Variants in OPCML observed in about 807,000 individuals in gnomAD.
OPCML encodes opioid binding protein/cell adhesion molecule like, also known as opioid-binding protein/cell adhesion molecule.
In OPCML, 13 loss-of-function variants were observed where a neutral mutation model predicts 37.8. That is an observed-to-expected ratio of 0.34 (90% confidence interval 0.22 to 0.55). The LOEUF (loss-of-function observed/expected upper bound fraction) is 0.55, where lower values mean the gene tolerates loss of function less well. Ranked by LOEUF, OPCML falls within the 20% of genes least tolerant of loss-of-function variation. The pLI, the probability that OPCML is intolerant of heterozygous loss-of-function variation, is 0.91. For synonymous variants in OPCML, 176 were observed against 168.8 expected (o/e 1.04, Z -0.33); for missense variants, 341 against 435.6 (o/e 0.78, Z 1.93).
At chr11:133,101,215 G>A (rs11223363) in intron 1 of OPCML, among the ~76,000 whole-genome samples, 4 of 152,240 alleles carry the variant, frequency 2.6e-5, no homozygotes, top group African/African-American at 7.2e-5. Flanking sequence ...GAGCCACCAC[G>A]CCCAGCCCAC....
chr11:132,819,055 T>G (rs1017837537), intron 2 of OPCML, among the ~76,000 whole-genome samples: 11 of 151,904 alleles, frequency 7.2e-5, no homozygotes, highest in African/African-American at 2.7e-4. Flanking sequence ...CTTCTATTAT[T>G]TTGTGTGCTA....
In OPCML at chr11:132,497,224, A is replaced by G. The variant is rs994360446; in HGVS notation, c.505+31837T>C. Among the ~76,000 whole-genome samples the G allele has an allele frequency of 2.6e-5, 4 of 152,152 alleles. No individual in the cohort carries two copies. The East Asian group carries it at 5.8e-4, about 22-fold the overall frequency. Reference sequence around the variant, plus strand: ...ATAGACACATGGCAAGGAACACTACACACTGGGGCCTGTCGGAGTGGGGAG... The same window carrying G: ...ATAGACACATGGCAAGGAACACTACGCACTGGGGCCTGTCGGAGTGGGGAG... On this transcript the variant is annotated intron_variant, in intron 4 of 7. Coordinates refer to ENST00000524381, the MANE Select transcript of OPCML (RefSeq NM_001012393.5).
At chr11:132,566,947 G>A (rs1293430423) in intron 3 of OPCML, among the ~76,000 whole-genome samples, 2 of 69,372 alleles carry the variant, frequency 2.9e-5, no homozygotes, top group African/African-American at 1.5e-4. Flanking sequence ...CGGTGCATAC[G>A]GCAACAACAT....
chr11:132,675,155 ATGTG>A (rs35219821), intron 2 of OPCML, among the ~76,000 whole-genome samples: 6 of 144,074 alleles, frequency 4.2e-5, no homozygotes, highest in Admixed American at 7.0e-5. Flanking sequence ...ATATATATGT[ATGTG>A]TGTGTGTGTG....
intron 1 of OPCML, among the ~76,000 whole-genome samples, chr11:133,480,538 G>T (rs1371823404): frequency 1.3e-5 from 2 of 152,180 alleles, no homozygotes; most frequent in African/African-American, 4.8e-5. Context: ...CCCTCTTTGA[G>T]ACTTGAACTA....
At chr11:133,213,433 A>T (rs1203637511) in intron 1 of OPCML, among the ~76,000 whole-genome samples, 2 of 152,202 alleles carry the variant, frequency 1.3e-5, no homozygotes, top group Admixed American at 1.3e-4. Flanking sequence ...AAAGTTAAAA[A>T]TTTGGTCTTT....
chr11:133,258,345 C>T (rs1941382721), intron 1 of OPCML, among the ~76,000 whole-genome samples: 1 of 152,148 alleles, frequency 6.6e-6, no homozygotes, highest in South Asian at 2.1e-4. Flanking sequence ...GAAAGACTGG[C>T]TCTACAAGCT....
chr11:133,243,681 A>AT (rs1377187369), intron 1 of OPCML, among the ~76,000 whole-genome samples: 1 of 152,158 alleles, frequency 6.6e-6, no homozygotes. Context: ...GGGCACTGGA[A>AT]TTTTTTGCAG....
chr11:133,008,310 G>T, intron 1 of OPCML: 1 of 985,286 alleles, frequency 1.0e-6, no homozygotes, highest in Non-Finnish European at 1.2e-6. Flanking sequence ...ACTACTGCCT[G>T]GTAAACAACT....
rs528387828 is a variant in OPCML at position 133,388,305 on chromosome 11, C to G, written c.61+143959G>C. Among the ~76,000 whole-genome samples the G allele has an allele frequency of 5.9e-5, 9 of 152,204 alleles. No homozygotes were observed. The East Asian group carries it at 1.7e-3, about 29-fold the overall frequency. ...AACTATTGGGTACTTTGAATGTCTC[C>G]CACTTGCTTCATTTTGGTCTCATAA... On this transcript the variant is annotated intron_variant, in intron 1 of 7. Transcript: ENST00000524381.
chr11:133,508,885 G>A (rs569469086), intron 1 of OPCML, among the ~76,000 whole-genome samples: 1 of 152,168 alleles, frequency 6.6e-6, no homozygotes, highest in Non-Finnish European at 1.5e-5. Context: ...CCAGACAAGA[G>A]GACGGGACAG....
chr11:133,009,091 T>G, intron 1 of OPCML: 1 of 985,394 alleles, frequency 1.0e-6, no homozygotes, highest in East Asian at 1.1e-4. Context: ...GCAGGTTTAG[T>G]GAGATTAAAT....
intron 3 of OPCML, among the ~76,000 whole-genome samples, chr11:132,626,839 TC>T (rs1939775550): frequency 1.4e-5 from 2 of 147,188 alleles, no homozygotes; most frequent in African/African-American, 5.0e-5. Context: ...TCTCTCTCTC[TC>T]TCTCTCTTTC....
intron 2 of OPCML, among the ~76,000 whole-genome samples, chr11:132,869,256 G>A (rs1287994697): frequency 1.3e-5 from 2 of 152,122 alleles, no homozygotes; most frequent in Non-Finnish European, 2.9e-5. Context: ...ACCCAGGCCT[G>A]GCACAGAGCT....
chr11:132,619,980 TA>T (rs1939303726), intron 3 of OPCML, among the ~76,000 whole-genome samples: 1 of 152,170 alleles, frequency 6.6e-6, no homozygotes. Flanking sequence ...CATGTCACCT[TA>T]AAAAACTCAG....
chr11:132,523,151 C>T (rs1041818724), intron 4 of OPCML, among the ~76,000 whole-genome samples: 3 of 152,188 alleles, frequency 2.0e-5, no homozygotes, highest in South Asian at 2.1e-4. Flanking sequence ...AGGTGATCCG[C>T]CCATCTCAGC....
chr11:132,473,870 A>G (rs1157544185), intron 4 of OPCML, among the ~76,000 whole-genome samples: 1 of 152,166 alleles, frequency 6.6e-6, no homozygotes, highest in Non-Finnish European at 1.5e-5. Context: ...ATGGCTTTAC[A>G]TAAGGCCCAA....
chr11:133,385,020 C>G (rs1428403988), intron 1 of OPCML, among the ~76,000 whole-genome samples: 1 of 152,202 alleles, frequency 6.6e-6, no homozygotes, highest in Non-Finnish European at 1.5e-5. Context: ...CTTGTGGAAC[C>G]CCTCCTTGTG....
intron 1 of OPCML, among the ~76,000 whole-genome samples, chr11:133,440,380 C>T (rs1183930790): frequency 5.7e-5 from 7 of 123,592 alleles, no homozygotes; most frequent in East Asian, 2.4e-4. Context: ...GCCTGGGCAA[C>T]GAGAGCAAAA....
Sources: allele counts gnomAD v4.1 joint callset (sites outside exome capture counted in the v4.1 genomes callset), GRCh38; gene constraint gnomAD v4.1.1; transcripts MANE v1.5; gene names NCBI Gene and HGNC (gene_info 2026-07-23, HGNC 2026-07-21).